RANBP2: variants seen among roughly 807,000 people sequenced by gnomAD.
RANBP2 encodes the protein E3 SUMO-protein ligase RanBP2.
In RANBP2, 57 loss-of-function variants were observed where a neutral mutation model predicts 303.6. The ratio of observed to expected loss-of-function variants is 0.19; its 90% CI spans 0.15 to 0.23. RANBP2 has a LOEUF of 0.23. RANBP2 is among the 10% of genes least tolerant of loss of function. The pLI is 1.00. For missense variants in RANBP2, 3,138 were observed against 3,780.8 expected (o/e 0.83, Z 4.46); for synonymous variants, 1,167 against 1,301.5 (o/e 0.90, Z 2.23).
intron 12 of RANBP2, among the ~76,000 whole-genome samples, chr2:108,752,736 T>G (rs1479702950): frequency 6.7e-6 from 1 of 150,258 alleles, no homozygotes; most frequent in Non-Finnish European, 1.5e-5. Context: ...GAGCTTGCAG[T>G]GAGCCGAGAT....
At chr2:108,781,994 A>G (rs1182728633) in intron 26 of RANBP2, 134 bp from the exon 27 acceptor site, 11 of 957,960 alleles carry the variant, frequency 1.1e-5, no homozygotes, top group Non-Finnish European at 1.7e-5. Flanking sequence ...CCTAAGATAT[A>G]TAACCAGTTA....
At chr2:109,098,748 T>C in the RANBP2 span, among the ~76,000 whole-genome samples, 4 of 152,234 alleles carry the variant, frequency 2.6e-5, no homozygotes, top group Non-Finnish European at 4.4e-5. Flanking sequence ...ATGCATCATG[T>C]ATTTTAGCAG....
the RANBP2 span, among the ~76,000 whole-genome samples, chr2:108,901,210 G>C: frequency 0.71 from 108,694 of 152,142 alleles, 41,901 homozygotes; most frequent in East Asian, 0.91. Context: ...TCACACACTT[G>C]AAAACCAGAC....
the RANBP2 span, among the ~76,000 whole-genome samples, chr2:109,328,356 G>A: frequency 6.6e-6 from 1 of 152,224 alleles, no homozygotes; most frequent in African/African-American, 2.4e-5. Context: ...CCATTAATCT[G>A]TTGAAGAACA....
the RANBP2 span, among the ~76,000 whole-genome samples, chr2:108,792,376 C>T: frequency 2.0e-5 from 3 of 152,174 alleles, no homozygotes; most frequent in Non-Finnish European, 2.9e-5. Flanking sequence ...ATAATTCTGT[C>T]GGGACTTGAG....
the RANBP2 span, among the ~76,000 whole-genome samples, chr2:109,228,218 TA>T: frequency 2.0e-5 from 3 of 152,156 alleles, no homozygotes; most frequent in Non-Finnish European, 2.9e-5. Flanking sequence ...GCAGCCCTCC[TA>T]GTCCCCAGGA....
chr2:109,330,013 G>A, the RANBP2 span, among the ~76,000 whole-genome samples: 1 of 152,212 alleles, frequency 6.6e-6, no homozygotes. Context: ...ACCAGAAAAA[G>A]TCAACATCCC....
intron 11 of RANBP2, 41 bp downstream of exon 11, chr2:108,751,744 A>T (rs1186466441): frequency 6.2e-7 from 1 of 1,611,614 alleles, no homozygotes; most frequent in African/African-American, 1.3e-5. Context: ...CTTAGTGCGT[A>T]GGTTTTACCG....
chr2:109,444,546 CTGGGGTGTGAGAGAAA>C, the RANBP2 span, among the ~76,000 whole-genome samples: 2 of 152,176 alleles, frequency 1.3e-5, no homozygotes, highest in Non-Finnish European at 2.9e-5. Flanking sequence ...AAGCCTCCAC[CTGGGGTGTGAGAGAAA>C]GAAGAGAGAG....
the RANBP2 span, among the ~76,000 whole-genome samples, chr2:109,719,814 C>T: frequency 2.0e-5 from 3 of 152,148 alleles, no homozygotes; most frequent in South Asian, 2.1e-4. Flanking sequence ...TCATAAGCAT[C>T]GACCAAGATG....
At chr2:109,604,285 A>G in the RANBP2 span, among the ~76,000 whole-genome samples, 1 of 142,640 alleles carries the variant, frequency 7.0e-6, no homozygotes, top group South Asian at 2.4e-4. Flanking sequence ...CAGAGGTTGC[A>G]GTGGTTGAGA....
intron 19 of RANBP2, among the ~76,000 whole-genome samples, 159 bp from the exon 20 acceptor site, chr2:108,763,078 C>T (rs1481449280): frequency 1.3e-5 from 2 of 152,166 alleles, no homozygotes; most frequent in Admixed American, 1.3e-4. Context: ...AGAAAATTTG[C>T]AGCCTCTGGC....
chr2:109,564,571 T>C, the RANBP2 span: 2 of 1,446,450 alleles, frequency 1.4e-6, no homozygotes, highest in Admixed American at 2.3e-5. Flanking sequence ...CAACACTGGA[T>C]TTTAATTCCT....
the RANBP2 span, among the ~76,000 whole-genome samples, chr2:109,025,746 C>A: frequency 6.7e-6 from 1 of 149,286 alleles, no homozygotes; most frequent in Non-Finnish European, 1.5e-5. Flanking sequence ...TGCAGTGAGC[C>A]GAGATCACGC....
chr2:109,690,451 T>C, the RANBP2 span, among the ~76,000 whole-genome samples: 1 of 152,198 alleles, frequency 6.6e-6, no homozygotes. Flanking sequence ...GAGGGATGAC[T>C]TTGAATAGAA....
the RANBP2 span, chr2:109,502,753 C>G: frequency 6.6e-6 from 1 of 152,224 alleles, no homozygotes; most frequent in African/African-American, 2.4e-5. Context: ...CAGGTCAACC[C>G]CAGCCGGGAA....
intron 1 of RANBP2, among the ~76,000 whole-genome samples, chr2:108,727,603 ATTTTTT>A (rs34554578): frequency 1.2e-4 from 14 of 119,738 alleles, no homozygotes; most frequent in African/African-American, 5.0e-4. Context: ...TTGTATCAGC[ATTTTTT>A]TTTTTTTTTT....
the RANBP2 span, among the ~76,000 whole-genome samples, chr2:108,925,119 C>A: frequency 1.3e-5 from 2 of 150,742 alleles, no homozygotes; most frequent in Non-Finnish European, 3.0e-5. Flanking sequence ...CCCTCCAGGG[C>A]AAGCCTTGTT....
At chr2:109,567,913 T>TA in the RANBP2 span, 1 of 1,613,968 alleles carries the variant, frequency 6.2e-7, no homozygotes, top group Non-Finnish European at 8.5e-7. Flanking sequence ...AGCTTGATCT[T>TA]AAACTTCTGT....
Sources: gnomAD v4.1 joint callset for allele counts (sites outside exome capture counted in the v4.1 genomes callset) on GRCh38, gnomAD v4.1.1 for gene constraint, MANE v1.5 for transcripts, NCBI Gene and HGNC (gene_info 2026-07-23, HGNC 2026-07-21) for gene names.